CCDC73: variants seen among roughly 807,000 people sequenced by gnomAD.
The protein encoded by CCDC73 is coiled-coil domain containing 73.
Under a neutral mutation model 116.5 loss-of-function variants are expected in CCDC73, and 95 were observed. The ratio of observed to expected loss-of-function variants is 0.82; its 90% CI spans 0.69 to 0.97. The LOEUF is 0.97. Among genes scored for constraint, CCDC73 ranks in the 50% least tolerant of loss-of-function variants. The pLI is 0.00. For synonymous variants in CCDC73, 398 were observed against 401.3 expected (o/e 0.99, Z 0.10); for missense variants, 1,066 against 1,206.8 (o/e 0.88, Z 1.73).
chr11:32,782,841 A>G (rs1425238230), intron 1 of CCDC73, among the ~76,000 whole-genome samples: 3 of 152,200 alleles, frequency 2.0e-5, no homozygotes, highest in Admixed American at 2.0e-4. Context: ...GAAAAATCCA[A>G]TAAAAGGATT....
At chr11:32,685,997 G>A (rs1015891390) in intron 6 of CCDC73, among the ~76,000 whole-genome samples, 7 of 151,840 alleles carry the variant, frequency 4.6e-5, no homozygotes, top group African/African-American at 1.7e-4. Context: ...TGGGATTAGA[G>A]GCGTGAGCCA....
chr11:32,830,312 T>A, the CCDC73 span: 1 of 844,920 alleles, frequency 1.2e-6, no homozygotes. Flanking sequence ...GCAGGGTCAC[T>A]GGGCACGGCG....
the CCDC73 span, among the ~76,000 whole-genome samples, chr11:32,809,688 G>A: frequency 5.3e-5 from 8 of 152,156 alleles, no homozygotes; most frequent in African/African-American, 1.9e-4. Context: ...GGTGGATGGG[G>A]GAGGAATATA....
chr11:32,694,056 T>A (rs1191610714), intron 6 of CCDC73, among the ~76,000 whole-genome samples: 3 of 152,226 alleles, frequency 2.0e-5, no homozygotes, highest in Non-Finnish European at 4.4e-5. Flanking sequence ...TGTTAGAAGT[T>A]CTGGCCAGGG....
intron 3 of CCDC73, among the ~76,000 whole-genome samples, chr11:32,706,127 A>G (rs952240631): frequency 6.6e-6 from 1 of 152,162 alleles, no homozygotes; most frequent in African/African-American, 2.4e-5. Context: ...ATGTTTGACT[A>G]AATCTTTCAG....
At chr11:32,624,049 T>C (rs1321937712) in intron 14 of CCDC73, among the ~76,000 whole-genome samples, 4 of 151,554 alleles carry the variant, frequency 2.6e-5, no homozygotes, top group Non-Finnish European at 5.9e-5. Flanking sequence ...AAATTATAAG[T>C]GAGAGGGCCG....
intron 1 of CCDC73, among the ~76,000 whole-genome samples, chr11:32,763,961 C>T (rs1227031743): frequency 6.6e-6 from 1 of 152,042 alleles, no homozygotes; most frequent in Non-Finnish European, 1.5e-5. Context: ...AACTACATGA[C>T]GAATGCACAA....
At chr11:32,776,273 C>T (rs979013880) in intron 1 of CCDC73, among the ~76,000 whole-genome samples, 6 of 151,972 alleles carry the variant, frequency 3.9e-5, no homozygotes, top group African/African-American at 1.5e-4. Context: ...ATTTAATCTT[C>T]TCTCCCACTT....
intron 14 of CCDC73, among the ~76,000 whole-genome samples, chr11:32,625,175 CT>C: frequency 6.6e-6 from 1 of 152,160 alleles, no homozygotes; most frequent in Non-Finnish European, 1.5e-5. Flanking sequence ...ATGTGTGTCT[CT>C]GCACGTCAGA....
At chr11:32,791,127 C>G (rs1014310621) in intron 1 of CCDC73, among the ~76,000 whole-genome samples, 8 of 152,084 alleles carry the variant, frequency 5.3e-5, no homozygotes, top group African/African-American at 1.9e-4. Context: ...TTTCTTGTTA[C>G]TAACAGAAAA....
chr11:32,674,175 C>T (rs1856064155), intron 9 of CCDC73, among the ~76,000 whole-genome samples: 1 of 151,930 alleles, frequency 6.6e-6, no homozygotes, highest in Non-Finnish European at 1.5e-5. Flanking sequence ...TTTTGCATGC[C>T]AATATAATAA....
At chr11:32,655,745 T>C (rs1458689903) in intron 9 of CCDC73, among the ~76,000 whole-genome samples, 3 of 150,016 alleles carry the variant, frequency 2.0e-5, no homozygotes, top group Non-Finnish European at 4.4e-5. Context: ...GGATTCTGAG[T>C]AGAAGAATGA....
intron 6 of CCDC73, among the ~76,000 whole-genome samples, chr11:32,687,058 A>T (rs1031681882): frequency 1.5e-4 from 23 of 152,348 alleles, no homozygotes; most frequent in Non-Finnish European, 2.6e-4. Context: ...AGAGAAAAAA[A>T]TCTTATTTTC....
chr11:32,806,271 GA>G, the CCDC73 span, among the ~76,000 whole-genome samples: 1 of 152,138 alleles, frequency 6.6e-6, no homozygotes, highest in Admixed American at 6.5e-5. Flanking sequence ...ATAACACTTA[GA>G]TTCCTGTTGA....
At chr11:32,611,320 T>C in intron 16 of CCDC73, 55 bp from the exon 17 acceptor site, 1 of 1,476,064 alleles carries the variant, frequency 6.8e-7, no homozygotes, top group Non-Finnish European at 9.3e-7. Context: ...GTACTCATTT[T>C]AGTGACTGAA....
At chr11:32,712,848 A>G (rs1849914406) in intron 3 of CCDC73, among the ~76,000 whole-genome samples, 1 of 152,026 alleles carries the variant, frequency 6.6e-6, no homozygotes, top group South Asian at 2.1e-4. Context: ...ATGCTTTTAT[A>G]TCTTAATGAA....
Position 32,616,113 on chromosome 11 carries a change from T to G in CCDC73, c.1202A>C (p.Asn401Thr), listed in dbSNP as rs771229179. ...AGTTGACATTTCACTGTTTTCATTA[T>G]TTACTTCTGGAACATTCTAGTGTAA... Reference protein sequence around the residue: ...DKKFQNVPEVNNENSEMSTEK... With the variant: ...DKKFQNVPEVTNENSEMSTEK... The change falls in exon 15 of 18, where the codon AAT (asparagine) becomes ACT (threonine). Residue 401 changes from asparagine (N) to threonine (T), a missense_variant. Coordinates refer to ENST00000335185, the MANE Select transcript of CCDC73 (RefSeq NM_001008391.4). 93 of 1,578,446 alleles carry G rather than the reference T, an allele frequency of 5.9e-5. No individual in the cohort carries two copies. The Admixed American group carries it at 1.8e-3, about 31-fold the overall frequency.
chr11:32,688,563 A>G (rs984617800), intron 6 of CCDC73, among the ~76,000 whole-genome samples: 1 of 152,202 alleles, frequency 6.6e-6, no homozygotes, highest in Non-Finnish European at 1.5e-5. Context: ...ACCAATGTTA[A>G]CTTCCTGATT....
At chr11:32,812,511 C>CA in the CCDC73 span, among the ~76,000 whole-genome samples, 34 of 151,858 alleles carry the variant, frequency 2.2e-4, no homozygotes, top group Non-Finnish European at 4.4e-4. Flanking sequence ...ACTAAAAATA[C>CA]AAAAAAAATC....
Sources: allele counts gnomAD v4.1 joint callset (sites outside exome capture counted in the v4.1 genomes callset), GRCh38; gene constraint gnomAD v4.1.1; transcripts MANE v1.5; gene names NCBI Gene and HGNC (gene_info 2026-07-23, HGNC 2026-07-21).